Variants in MYT1L observed in about 807,000 individuals in gnomAD.
MYT1L encodes the protein myelin transcription factor 1 like, also known as myelin transcription factor 1-like protein.
A neutral mutation model predicts 126.7 loss-of-function variants in MYT1L; 12 were observed. The observed-to-expected ratio is 0.09, with a 90% CI of 0.06 to 0.15. MYT1L has a LOEUF of 0.15. Ranked by LOEUF, MYT1L falls within the 10% of genes least tolerant of loss-of-function variation. The pLI is 1.00. For synonymous variants in MYT1L, 541 were observed against 604.2 expected (o/e 0.90, Z 1.53); for missense variants, 979 against 1,585.2 (o/e 0.62, Z 6.49).
intron 21 of MYT1L, chr2:1,826,230 G>A (rs2039313451): frequency 6.6e-6 from 1 of 152,322 alleles, no homozygotes; most frequent in Non-Finnish European, 1.5e-5. Context: ...GTGCCACTTT[G>A]GAGAACAAAC....
intron 2 of MYT1L, among the ~76,000 whole-genome samples, chr2:2,242,915 C>G (rs2094465542): frequency 6.6e-6 from 1 of 152,138 alleles, no homozygotes. Flanking sequence ...AGGAAGGATG[C>G]AGGGTTCAGG....
In MYT1L at chr2:2,090,516, G is replaced by A. The variant is rs377133914; in HGVS notation, c.-303-36393C>T. Among the ~76,000 whole-genome samples the A allele has an allele frequency of 9.8e-5, 15 of 152,344 alleles. No individual in the cohort carries two copies. The East Asian group carries it at 2.1e-3, about 22-fold the overall frequency. ...GAGTTGTCATCTCTTTGCTGGTGGAGGGTTTTGCCTCAATGTCGATGGCTG... is the reference window on the plus strand; with the variant it reads ...GAGTTGTCATCTCTTTGCTGGTGGAAGGTTTTGCCTCAATGTCGATGGCTG... On this transcript the variant is annotated intron_variant, in intron 3 of 24. Transcript: ENST00000647738.
At chr2:1,810,517 G>A (rs975955395) in intron 21 of MYT1L, among the ~76,000 whole-genome samples, 2 of 152,172 alleles carry the variant, frequency 1.3e-5, no homozygotes, top group African/African-American at 4.8e-5. Flanking sequence ...TGTATATGAA[G>A]TGTTAGATGG....
intron 4 of MYT1L, among the ~76,000 whole-genome samples, chr2:2,016,563 C>T (rs1025106766): frequency 6.6e-6 from 1 of 152,184 alleles, no homozygotes; most frequent in African/African-American, 2.4e-5. Context: ...AATCCAACAC[C>T]CTTCTCTGTC....
intron 18 of MYT1L, among the ~76,000 whole-genome samples, chr2:1,865,380 G>A (rs570757909): frequency 3.3e-5 from 5 of 152,298 alleles, no homozygotes; most frequent in Non-Finnish European, 5.9e-5. Context: ...AAAGAGCCCC[G>A]GAGTCAGAGA....
rs115427909 is a variant in MYT1L, at chr2:2,178,206, A to G, written c.-420-5218T>C. Among the ~76,000 whole-genome samples, 629 of 152,330 alleles carry G rather than the reference A, an allele frequency of 4.1e-3. 4 individuals are homozygous for G. Among genetic ancestry groups the G allele is most frequent in the African/African-American group, 0.015 (604 of 41,572 alleles). On this transcript the variant is annotated intron_variant, in intron 2 of 24. Coordinates refer to ENST00000647738, the MANE Select transcript of MYT1L (RefSeq NM_001303052.2). The stretch of plus-strand genomic sequence containing the variant: ...TAGTATTTTCAAAAGATATGTGTCA[A>G]TTATTATAAAAAATGACTAATAAAT...
intron 4 of MYT1L, among the ~76,000 whole-genome samples, chr2:2,017,736 C>G (rs192837604): frequency 3.3e-5 from 5 of 152,244 alleles, no homozygotes; most frequent in Admixed American, 3.3e-4. Context: ...CTCCATCCAT[C>G]CATCCATCCA....
chr2:2,302,646 C>T (rs1286575304), intron 1 of MYT1L, among the ~76,000 whole-genome samples: 5 of 152,224 alleles, frequency 3.3e-5, no homozygotes, highest in African/African-American at 9.6e-5. Context: ...CAGCTTTGTG[C>T]GCTCAAATGG....
rs1483019907 is a variant in MYT1L at position 2,031,423 on chromosome 2, A to G, written c.-158+22555T>C. On this transcript the variant is annotated intron_variant, in intron 4 of 24. Transcript: ENST00000647738. ...AAGTGCCTCTCATCCTGTGGCCCAG[A>G]GCAGATTCTAGAAGGAGGGCCTTAT... Among the ~76,000 whole-genome samples the G allele has an allele frequency of 7.4e-5, 11 of 148,976 alleles. No individual in the cohort carries two copies. In the East Asian group the frequency reaches 2.0e-3, roughly 27 times the overall value.
intron 1 of MYT1L, among the ~76,000 whole-genome samples, chr2:2,290,729 T>C (rs1000757746): frequency 1.2e-4 from 18 of 152,176 alleles, no homozygotes; most frequent in African/African-American, 4.3e-4. Flanking sequence ...CCTGCGACCT[T>C]TGGAAAGGCA....
chr2:2,316,221 G>A (rs997659498), intron 1 of MYT1L, among the ~76,000 whole-genome samples: 6 of 152,024 alleles, frequency 3.9e-5, no homozygotes, highest in Non-Finnish European at 5.9e-5. Flanking sequence ...TCTCTATTTC[G>A]CTGGGATATT....
intron 3 of MYT1L, among the ~76,000 whole-genome samples, chr2:2,083,120 G>A (rs1242984559): frequency 6.6e-6 from 1 of 152,170 alleles, no homozygotes; most frequent in East Asian, 1.9e-4. Flanking sequence ...GGGATGATGT[G>A]GAAGGTGTCT....
chr2:2,217,685 C>CAAA (rs1167910803), intron 2 of MYT1L, among the ~76,000 whole-genome samples: 9 of 79,652 alleles, frequency 1.1e-4, no homozygotes, highest in African/African-American at 2.1e-4. Context: ...ACAACAACAA[C>CAAA]AACAACAACA....
chr2:2,309,269 A>G (rs770023669), intron 1 of MYT1L, among the ~76,000 whole-genome samples: 4 of 151,192 alleles, frequency 2.6e-5, no homozygotes, highest in Non-Finnish European at 5.9e-5. Flanking sequence ...TCTATACTCC[A>G]TCTACACTTC....
intron 8 of MYT1L, among the ~76,000 whole-genome samples, chr2:1,952,075 C>G (rs1439937238): frequency 6.6e-6 from 1 of 152,044 alleles, no homozygotes; most frequent in African/African-American, 2.4e-5. Context: ...TGTATTGTTA[C>G]AAAGGCATAG....
intron 5 of MYT1L, among the ~76,000 whole-genome samples, chr2:1,993,196 C>T (rs1310214849): frequency 6.6e-6 from 1 of 152,188 alleles, no homozygotes; most frequent in Non-Finnish European, 1.5e-5. Context: ...TGCAATTCCC[C>T]CGTCTTGGTG....
At chr2:2,302,358 T>C (rs1185665606) in intron 1 of MYT1L, among the ~76,000 whole-genome samples, 2 of 152,244 alleles carry the variant, frequency 1.3e-5, no homozygotes, top group East Asian at 3.8e-4. Flanking sequence ...GATTTAAAAA[T>C]GCACAGAAGT....
intron 1 of MYT1L, chr2:2,305,992 G>A (rs2095852201): frequency 6.6e-6 from 1 of 152,172 alleles, no homozygotes; most frequent in African/African-American, 2.4e-5. Context: ...GTGTTCATCT[G>A]TCCCACTTAA....
chr2:1,881,705 A>G (rs556680141), intron 18 of MYT1L, among the ~76,000 whole-genome samples: 58 of 152,248 alleles, frequency 3.8e-4, no homozygotes, highest in African/African-American at 1.2e-3. Flanking sequence ...GGTGGCCACC[A>G]CTGGGCGGGT....
Sources: gnomAD v4.1 joint callset for allele counts (sites outside exome capture counted in the v4.1 genomes callset) on GRCh38, gnomAD v4.1.1 for gene constraint, MANE v1.5 for transcripts, NCBI Gene and HGNC (gene_info 2026-07-23, HGNC 2026-07-21) for gene names.